The following LRRC4C variants were observed in gnomAD, a reference collection of about 807,000 sequenced individuals.
The protein encoded by LRRC4C is leucine rich repeat containing 4C.
A neutral mutation model predicts 33.6 loss-of-function variants in LRRC4C; 5 were observed. The ratio of observed to expected loss-of-function variants is 0.15; its 90% CI spans 0.08 to 0.31. LRRC4C has a LOEUF of 0.31. Ranked by LOEUF, LRRC4C falls within the 10% of genes least tolerant of loss-of-function variation. The pLI is 1.00. For missense variants in LRRC4C, 560 were observed against 796.7 expected, an observed-to-expected ratio of 0.70 and a Z score of 3.58; for synonymous variants, 329 against 302.0, an observed-to-expected ratio of 1.09 and a Z score of -0.93.
At chr11:40,182,807 C>T (rs956845310) in intron 5 of LRRC4C, among the ~76,000 whole-genome samples, 5 of 152,122 alleles carry the variant, frequency 3.3e-5, no homozygotes, top group African/African-American at 1.2e-4. Flanking sequence ...TTTCAGTTTC[C>T]TCCAATTGTA....
intron 3 of LRRC4C, among the ~76,000 whole-genome samples, chr11:40,567,489 G>A (rs935541307): frequency 7.9e-5 from 12 of 152,170 alleles, no homozygotes; most frequent in African/African-American, 2.7e-4. Flanking sequence ...TGGACACTTG[G>A]ATTTAGCAAA....
intron 1 of LRRC4C, among the ~76,000 whole-genome samples, chr11:41,089,659 T>G (rs1565373054): frequency 6.6e-6 from 1 of 152,082 alleles, no homozygotes. Flanking sequence ...AATTTATTTT[T>G]CTTAATACAG....
intron 3 of LRRC4C, among the ~76,000 whole-genome samples, chr11:40,441,368 G>C (rs1013622857): frequency 5.9e-5 from 9 of 152,186 alleles, no homozygotes; most frequent in African/African-American, 2.2e-4. Flanking sequence ...CCAGAGAAGA[G>C]TAGATGCAAA....
At chr11:40,927,018 T>C (rs897133835) in intron 2 of LRRC4C, among the ~76,000 whole-genome samples, 2 of 152,162 alleles carry the variant, frequency 1.3e-5, no homozygotes, top group African/African-American at 2.4e-5. Flanking sequence ...ATCAATAAAA[T>C]AAGCAAATTT....
chr11:40,770,565 T>G (rs932011072), intron 2 of LRRC4C, among the ~76,000 whole-genome samples: 1 of 152,118 alleles, frequency 6.6e-6, no homozygotes, highest in Admixed American at 6.5e-5. Flanking sequence ...ACTTCTTAAC[T>G]CACTTCAGTA....
chr11:41,123,261 GTTTTTTTT>G (rs1217714729), intron 1 of LRRC4C, among the ~76,000 whole-genome samples: 1 of 48,086 alleles, frequency 2.1e-5, no homozygotes, highest in African/African-American at 5.8e-5. Context: ...GCTATGTTTT[GTTTTTTTT>G]TTTTTTTTTT....
chr11:40,946,314 C>T lies in LRRC4C; in HGVS notation c.-495-12591G>A, dbSNP rs142757724. Among the ~76,000 whole-genome samples, 93 of 152,272 alleles carry T rather than the reference C, an allele frequency of 6.1e-4. 1 individual carries two copies. The East Asian group carries it at 0.017, about 27-fold the overall frequency. On this transcript the variant is annotated intron_variant, in intron 1 of 6. Transcript: ENST00000528697. ...AGTATTTCTTGGTATATATGTACCACATTTTCTTTATTCAATCCACCACTG... is the reference window on the plus strand; with the variant it reads ...AGTATTTCTTGGTATATATGTACCATATTTTCTTTATTCAATCCACCACTG...
intron 3 of LRRC4C, among the ~76,000 whole-genome samples, chr11:40,569,648 G>A (rs1476699913): frequency 6.6e-6 from 1 of 152,074 alleles, no homozygotes; most frequent in Non-Finnish European, 1.5e-5. Flanking sequence ...GTTCTACAGG[G>A]AAGTTTGATG....
In LRRC4C at chr11:41,101,602, A is replaced by T. The variant is rs189777801; in HGVS notation, c.-495-167879T>A. ...TAAGCAATGTGGTGATTCCTCAAAG[A>T]GGTAAAAACAGAACTACTATTCCAC... On this transcript the variant is annotated intron_variant, in intron 1 of 6. Transcript: ENST00000528697. Among the ~76,000 whole-genome samples the T allele has an allele frequency of 1.1e-4, 17 of 152,336 alleles. No homozygotes were observed. The East Asian group carries it at 3.3e-3, about 29-fold the overall frequency.
At chr11:41,356,585 C>A (rs927734507) in intron 1 of LRRC4C, among the ~76,000 whole-genome samples, 7 of 152,088 alleles carry the variant, frequency 4.6e-5, no homozygotes, top group Non-Finnish European at 1.0e-4. Flanking sequence ...ACTTCTAGTG[C>A]CATTTTTGGC....
At chr11:40,937,172 G>A (rs969247095) in intron 1 of LRRC4C, among the ~76,000 whole-genome samples, 6 of 152,144 alleles carry the variant, frequency 3.9e-5, no homozygotes, top group African/African-American at 1.4e-4. Flanking sequence ...CAGCAGCATG[G>A]ATGCAGTTTG....
intron 1 of LRRC4C, among the ~76,000 whole-genome samples, chr11:41,286,237 C>A (rs1949824169): frequency 6.6e-6 from 1 of 152,160 alleles, no homozygotes; most frequent in African/African-American, 2.4e-5. Flanking sequence ...CACTCTCTCT[C>A]TTTTATAAAA....
chr11:41,300,511 T>C (rs1950256030), intron 1 of LRRC4C, among the ~76,000 whole-genome samples: 1 of 152,196 alleles, frequency 6.6e-6, no homozygotes. Context: ...ACTCTGGAAC[T>C]AACGTCCTCT....
chr11:40,616,563 T>C (rs1019081574), intron 3 of LRRC4C, among the ~76,000 whole-genome samples: 2 of 151,732 alleles, frequency 1.3e-5, no homozygotes, highest in African/African-American at 4.8e-5. Context: ...ATATACACCA[T>C]GGAATACTAT....
At chr11:41,070,194 C>T (rs933570023) in intron 1 of LRRC4C, among the ~76,000 whole-genome samples, 1 of 152,128 alleles carries the variant, frequency 6.6e-6, no homozygotes, top group African/African-American at 2.4e-5. Flanking sequence ...ATAAATGGTG[C>T]TGAGAAAACC....
intron 4 of LRRC4C, among the ~76,000 whole-genome samples, chr11:40,249,365 C>T (rs1866597095): frequency 6.6e-6 from 1 of 151,578 alleles, no homozygotes. Context: ...ATAATAATCT[C>T]TTGGCTGGAG....
chr11:41,213,520 G>A (rs1946909990), intron 1 of LRRC4C, among the ~76,000 whole-genome samples: 1 of 152,180 alleles, frequency 6.6e-6, no homozygotes, highest in Non-Finnish European at 1.5e-5. Context: ...TTTACTCGTT[G>A]AATCTTCTCT....
chr11:41,377,494 G>A (rs953133563), intron 1 of LRRC4C, among the ~76,000 whole-genome samples: 2 of 152,004 alleles, frequency 1.3e-5, no homozygotes, highest in African/African-American at 2.4e-5. Flanking sequence ...AGGGGATCAG[G>A]AAAAAAACAA....
chr11:40,876,626 T>A (rs1050756381), intron 2 of LRRC4C, among the ~76,000 whole-genome samples: 1 of 151,948 alleles, frequency 6.6e-6, no homozygotes, highest in Non-Finnish European at 1.5e-5. Flanking sequence ...AATCTCAGGC[T>A]GGGCATGCTG....
Sources: allele counts gnomAD v4.1 joint callset (sites outside exome capture counted in the v4.1 genomes callset), GRCh38; gene constraint gnomAD v4.1.1; transcripts MANE v1.5; gene names NCBI Gene and HGNC (gene_info 2026-07-23, HGNC 2026-07-21).